Variants in ZMAT4 observed in about 807,000 individuals in gnomAD.
The protein encoded by ZMAT4 is zinc finger matrin-type 4.
A neutral mutation model predicts 28.7 loss-of-function variants in ZMAT4; 17 were observed. That is an observed-to-expected ratio of 0.59 (90% CI 0.41 to 0.89). The LOEUF is 0.89. Ranked by LOEUF, ZMAT4 falls within the 40% of genes least tolerant of loss-of-function variation. ZMAT4 has a pLI of 0.00. For missense variants in ZMAT4, 240 were observed against 283.8 expected (o/e 0.85, Z 1.11); for synonymous variants, 117 against 109.2 (o/e 1.07, Z -0.44).
chr8:40,549,991 G>A lies in ZMAT4; in HGVS notation c.675-17753C>T, dbSNP rs571432871. Among the ~76,000 whole-genome samples the A allele has an allele frequency of 4.6e-5, 7 of 152,162 alleles. No individual in the cohort carries two copies. In the East Asian group the frequency reaches 9.7e-4, roughly 21 times the overall value. ...TCATTCTCCTAAAACTCACCAAACTGCTTTAAACAAATTCTTTGCCAATTT... is the reference window on the plus strand; with the variant it reads ...TCATTCTCCTAAAACTCACCAAACTACTTTAAACAAATTCTTTGCCAATTT... On this transcript the variant is annotated intron_variant, in intron 6 of 6. Transcript: ENST00000297737.
chr8:40,827,146 G>A (rs143005690), intron 1 of ZMAT4, among the ~76,000 whole-genome samples: 1 of 152,210 alleles, frequency 6.6e-6, no homozygotes, highest in East Asian at 1.9e-4. Flanking sequence ...CCACAAGCTA[G>A]ATCCATCCTA....
chr8:40,563,855 A>T (rs1433634205), intron 6 of ZMAT4, among the ~76,000 whole-genome samples: 1 of 152,070 alleles, frequency 6.6e-6, no homozygotes, highest in Admixed American at 6.6e-5. Context: ...AACTGGGGTG[A>T]TGCTGGTAGG....
intron 3 of ZMAT4, among the ~76,000 whole-genome samples, chr8:40,700,741 C>CCTCTACTGT (rs1810108520): frequency 4.6e-5 from 7 of 152,072 alleles, no homozygotes; most frequent in Admixed American, 4.6e-4. Context: ...CTTCTGGCTC[C>CCTCTACTGT]CTCTACTGTC....
chr8:40,738,206 C>T (rs1811856317), intron 3 of ZMAT4, among the ~76,000 whole-genome samples: 2 of 152,100 alleles, frequency 1.3e-5, no homozygotes, highest in East Asian at 1.9e-4. Context: ...GAATAAGAGT[C>T]GAACTGGGGA....
At chr8:40,631,815 G>A (rs981776646) in intron 5 of ZMAT4, among the ~76,000 whole-genome samples, 1 of 152,198 alleles carries the variant, frequency 6.6e-6, no homozygotes, top group African/African-American at 2.4e-5. Context: ...GGAGAGCTAT[G>A]CTGTAAAAGG....
At chr8:40,764,802 C>A (rs577937496) in intron 3 of ZMAT4, among the ~76,000 whole-genome samples, 26 of 151,886 alleles carry the variant, frequency 1.7e-4, no homozygotes, top group Non-Finnish European at 3.4e-4. Flanking sequence ...GTCAGTTGGG[C>A]CTTATGAAAA....
At chr8:40,634,186 A>T (rs1329722437) in intron 5 of ZMAT4, among the ~76,000 whole-genome samples, 1 of 152,220 alleles carries the variant, frequency 6.6e-6, no homozygotes, top group African/African-American at 2.4e-5. Context: ...CAAATTGGCA[A>T]ATATCTGGGA....
intron 2 of ZMAT4, among the ~76,000 whole-genome samples, chr8:40,787,800 A>C (rs2150576396): frequency 6.6e-6 from 1 of 152,294 alleles, no homozygotes; most frequent in African/African-American, 2.4e-5. Flanking sequence ...ATGAACCTGG[A>C]TGGTGTGAGG....
At chr8:40,609,890 C>T (rs1805732956) in intron 5 of ZMAT4, among the ~76,000 whole-genome samples, 1 of 152,186 alleles carries the variant, frequency 6.6e-6, no homozygotes, top group South Asian at 2.1e-4. Context: ...AGCAAGGATG[C>T]AAGTCACAGA....
At chr8:40,576,456 A>G (rs935977520) in intron 6 of ZMAT4, among the ~76,000 whole-genome samples, 5 of 152,040 alleles carry the variant, frequency 3.3e-5, no homozygotes, top group African/African-American at 1.2e-4. Flanking sequence ...AATCTCCATC[A>G]GACTAACAAC....
chr8:40,581,154 A>G lies in ZMAT4; in HGVS notation c.674+11T>C, dbSNP rs1260645823. ...GAAGAAACTGAAGAGTGAAAGCACA[A>G]AAGTACCTACTTGGTCTGGTGTTTA... On this transcript the variant is annotated intron_variant, in intron 6 of 6. Transcript: ENST00000297737. The G allele has an allele frequency of 6.2e-7, 1 of 1,610,682 alleles. No homozygotes were observed. The highest frequency in any genetic ancestry group is 8.5e-7 in the Non-Finnish European group (1 of 1,177,560).
intron 2 of ZMAT4, among the ~76,000 whole-genome samples, chr8:40,820,544 TTGTG>T (rs774233550): frequency 1.5e-5 from 2 of 134,336 alleles, no homozygotes; most frequent in African/African-American, 5.7e-5. Context: ...ATGTGTGCAT[TTGTG>T]TGTGTATGTG....
intron 1 of ZMAT4, among the ~76,000 whole-genome samples, chr8:40,840,574 A>G (rs1177759911): frequency 6.6e-6 from 1 of 152,100 alleles, no homozygotes; most frequent in Non-Finnish European, 1.5e-5. Flanking sequence ...ACCTCACCTC[A>G]TTAGACATTG....
chr8:40,745,778 A>G (rs1004515532), intron 3 of ZMAT4, among the ~76,000 whole-genome samples: 2 of 152,200 alleles, frequency 1.3e-5, no homozygotes, highest in Non-Finnish European at 2.9e-5. Flanking sequence ...CTGTGAAGGT[A>G]AGAAAATAGG....
intron 5 of ZMAT4, among the ~76,000 whole-genome samples, chr8:40,611,539 A>C (rs1805795556): frequency 6.6e-6 from 1 of 152,064 alleles, no homozygotes; most frequent in Admixed American, 6.5e-5. Context: ...ATGGGGTTTC[A>C]CTGTGTTAGC....
At position 40,695,418 on chromosome 8, in the gene ZMAT4, AG is replaced by A. The variant is rs527658632; in HGVS notation, c.349+1826del. Among the ~76,000 whole-genome samples the A allele has an allele frequency of 2.3e-3, 349 of 152,312 alleles. 3 individuals carry two copies. The highest frequency in any genetic ancestry group is 2.6e-3 in the Non-Finnish European group (177 of 68,038). On this transcript the variant is annotated intron_variant, in intron 4 of 6. Transcript: ENST00000297737. ...AATGGATGGGAGGGCAAGCTGCAGAAGGGGGTATAAGCTGGGTGTGAAGGGG... is the reference window on the plus strand; with the variant it reads ...AATGGATGGGAGGGCAAGCTGCAGAAGGGGTATAAGCTGGGTGTGAAGGGG...
chr8:40,864,510 C>A (rs1329388343), intron 1 of ZMAT4, among the ~76,000 whole-genome samples: 1 of 152,146 alleles, frequency 6.6e-6, no homozygotes, highest in African/African-American at 2.4e-5. Context: ...GCAGCTAATG[C>A]AATGTGGTAG....
chr8:40,788,383 G>A (rs1287146471), intron 2 of ZMAT4, among the ~76,000 whole-genome samples: 1 of 152,174 alleles, frequency 6.6e-6, no homozygotes, highest in African/African-American at 2.4e-5. Flanking sequence ...AGGAGATCGA[G>A]ATCATCCTGG....
intron 6 of ZMAT4, among the ~76,000 whole-genome samples, chr8:40,553,527 T>G (rs1803430432): frequency 6.6e-6 from 1 of 152,144 alleles, no homozygotes; most frequent in Admixed American, 6.6e-5. Context: ...CATCCCAGGA[T>G]AGGAATGTCT....
Sources: gnomAD v4.1 joint callset for allele counts (sites outside exome capture counted in the v4.1 genomes callset) on GRCh38, gnomAD v4.1.1 for gene constraint, MANE v1.5 for transcripts, NCBI Gene and HGNC (gene_info 2026-07-23, HGNC 2026-07-21) for gene names.